Variants in FBXO28 observed in about 807,000 individuals in gnomAD.
FBXO28 encodes F-box protein 28.
FBXO28 carries 8 observed loss-of-function variants against 38.1 expected under a neutral mutation model. That is an observed-to-expected ratio of 0.21 (90% CI 0.12 to 0.38). The LOEUF (loss-of-function observed/expected upper bound fraction) is 0.38. Among genes scored for constraint, FBXO28 ranks in the 10% least tolerant of loss-of-function variants. The pLI is 1.00. For synonymous variants in FBXO28, 168 were observed against 173.8 expected (o/e 0.97, Z 0.26); for missense variants, 345 against 460.6 (o/e 0.75, Z 2.30).
At chr1:224,140,790 C>CA (rs1394321207) in intron 3 of FBXO28, among the ~76,000 whole-genome samples, 1 of 151,904 alleles carries the variant, frequency 6.6e-6, no homozygotes, top group African/African-American at 2.4e-5. Flanking sequence ...ACTAAAAATA[C>CA]AAAAAATTAG....
At chr1:224,142,421 T>C (rs1490151806) in intron 3 of FBXO28, among the ~76,000 whole-genome samples, 2 of 151,494 alleles carry the variant, frequency 1.3e-5, no homozygotes, top group Admixed American at 6.6e-5. Flanking sequence ...TAGGCCAAGG[T>C]AGGCGGATCA....
intron 1 of FBXO28, among the ~76,000 whole-genome samples, chr1:224,116,901 G>A (rs936252504): frequency 3.9e-5 from 6 of 152,094 alleles, no homozygotes; most frequent in African/African-American, 1.4e-4. Flanking sequence ...TTGGCTGGGC[G>A]CAGTGGCTTA....
chr1:224,157,665 G>A lies in FBXO28; in HGVS notation c.1026G>A (p.Glu342=). The part of the protein sequence containing the change: ...VGNSSGSGQN[E]ESPRKRKKAT... ...ATTCCTCAGGGTCCGGGCAGAATGA[G>A]GAGTCTCCTCGGAAACGAAAAAAGG... Residue 342 remains glutamate (E), a synonymous_variant, in exon 5 of 5, where the codon GAG becomes GAA. Coordinates refer to ENST00000366862, the MANE Select transcript of FBXO28 (RefSeq NM_015176.4). 8 of 1,614,246 alleles carry A rather than the reference G, an allele frequency of 5.0e-6. No individual in the cohort carries two copies. The highest frequency in any genetic ancestry group is 6.8e-6 in the Non-Finnish European group (8 of 1,180,046).
At position 224,134,049 on chromosome 1, in the gene FBXO28, G is replaced by C. The variant is rs531617227; in HGVS notation, c.378-25G>C. 1.4e-4 allele frequency: 204 copies of C among 1,454,820 alleles called. No individual in the cohort carries two copies. In the Middle Eastern group the frequency reaches 2.0e-3, roughly 14 times the overall value. The allele number at this position is 1,454,820 out of a possible 1,614,324, so 90.1% of individuals were successfully genotyped here. A position where few individuals can be genotyped will look rare whatever the true frequency, so the allele number is the denominator to read the frequency against. The stretch of plus-strand genomic sequence containing the variant: ...ACAATACTGCTTTAATGGTTGCCTT[G>C]CTTTTATTATTATTATTATTATAGG... On this transcript the variant is annotated intron_variant, in intron 2 of 4. Coordinates refer to ENST00000366862, the MANE Select transcript of FBXO28 (RefSeq NM_015176.4).
At chr1:224,124,281 CAGT>C (rs2102612440) in intron 1 of FBXO28, among the ~76,000 whole-genome samples, 1 of 152,286 alleles carries the variant, frequency 6.6e-6, no homozygotes, top group Non-Finnish European at 1.5e-5. Context: ...TATTCTCTTA[CAGT>C]AGAACAGTGA....
rs12239466 is a variant in FBXO28, at chr1:224,158,091, T to C, written c.*345T>C. On this transcript the variant is annotated 3_prime_UTR_variant, in exon 5 of 5. Transcript: ENST00000366862. ...GATCTTAAACCCAGTCTTGACAGAC[T>C]AGAAGTTAAGTTTAATACAGAAAAT... The C allele has an allele frequency of 0.014, 14,273 of 1,012,368 alleles. 1,252 individuals carry two copies. In the African/African-American group the frequency reaches 0.2, roughly 14 times the overall value. 62.7% of individuals were successfully genotyped at this position (1,012,368 alleles called of 1,614,324 possible).
rs140862332 is a variant in FBXO28, at chr1:224,137,463, C to T, written c.516+3251C>T. Among the ~76,000 whole-genome samples, 174 of 151,434 alleles carry T rather than the reference C, an allele frequency of 1.1e-3. 1 individual carries two copies. The highest frequency in any genetic ancestry group is 7.8e-3 in the Admixed American group (118 of 15,212). ...GCTTGAACCTGGGAGGCAGAGGTTG[C>T]AGTGAGCCAAGATCATGCCACTGCA... On this transcript the variant is annotated intron_variant, in intron 3 of 4. Coordinates refer to ENST00000366862, the MANE Select transcript of FBXO28 (RefSeq NM_015176.4).
chr1:224,143,747 A>G (rs1220423186), intron 3 of FBXO28, among the ~76,000 whole-genome samples: 1 of 151,576 alleles, frequency 6.6e-6, no homozygotes, highest in Non-Finnish European at 1.5e-5. Context: ...GAGGCAGGAG[A>G]ATAGCATGAA....
In FBXO28 at chr1:224,161,468, T is replaced by C. The variant is rs1011657890; in HGVS notation, c.*3722T>C. The C allele has an allele frequency of 1.3e-5, 2 of 152,232 alleles. No individual in the cohort carries two copies. The highest frequency in any genetic ancestry group is 2.4e-5 in the African/African-American group (1 of 41,458). The allele number at this position is 152,232 out of a possible 1,614,324, so 9.4% of individuals were successfully genotyped here. On this transcript the variant is annotated 3_prime_UTR_variant, in exon 5 of 5. Transcript: ENST00000366862. ...ATGAAACCCAACTTGATACACTGTT[T>C]GGTTCTTTGACTTGGGATCTATCTG...
At position 224,149,859 on chromosome 1, in the gene FBXO28, T is replaced by C. The variant is rs1162742656; in HGVS notation, c.517-3283T>C. ...TACAGTGTTACTGTGACCTCGTGTA[T>C]AACTAAGGAATTTGAAGTGAGGGAG... On this transcript the variant is annotated intron_variant, in intron 3 of 4. Coordinates refer to ENST00000366862, the MANE Select transcript of FBXO28 (RefSeq NM_015176.4). 2.6e-5 allele frequency among the ~76,000 whole-genome samples: 4 copies of C among 152,276 alleles called. No individual in the cohort carries two copies. In the East Asian group the frequency reaches 7.7e-4, roughly 29 times the overall value.
At chr1:224,114,570 C>T (rs528804284) in intron 1 of FBXO28, among the ~76,000 whole-genome samples, 174 bp downstream of exon 1, 241 of 152,384 alleles carry the variant, frequency 1.6e-3, no homozygotes, top group African/African-American at 5.7e-3. Context: ...CAGGAGTGGG[C>T]TGGTTCCCGA....
At position 224,129,968 on chromosome 1, in the gene FBXO28, C is replaced by T. The variant is rs567512349; in HGVS notation, c.268-504C>T. 1.5e-4 allele frequency among the ~76,000 whole-genome samples: 23 copies of T among 150,814 alleles called. 1 individual carries two copies. In the South Asian group the frequency reaches 3.1e-3, roughly 21 times the overall value. ...TCGCGCCACTGCGCTCCAGCCTGTG[C>T]GACAGGGTGAGACTCCATCTCAAAA... is the stretch of plus-strand genomic sequence containing the variant. On this transcript the variant is annotated intron_variant, in intron 1 of 4. Coordinates refer to ENST00000366862, the MANE Select transcript of FBXO28 (RefSeq NM_015176.4).
At chr1:224,125,711 G>A (rs913021582) in intron 1 of FBXO28, among the ~76,000 whole-genome samples, 9 of 149,380 alleles carry the variant, frequency 6.0e-5, no homozygotes, top group South Asian at 2.1e-4. Flanking sequence ...GTGCCGTCTC[G>A]GACCACTGTA....
In FBXO28 at chr1:224,160,977, C is replaced by T. The variant is rs1558200676; in HGVS notation, c.*3231C>T. The T allele has an allele frequency of 6.6e-6, 1 of 152,100 alleles. No individual in the cohort carries two copies. Among genetic ancestry groups the T allele is most frequent in the Non-Finnish European group, 1.5e-5 (1 of 68,026 alleles). The allele number at this position is 152,100 out of a possible 1,614,324, so 9.4% of individuals were successfully genotyped here. On this transcript the variant is annotated 3_prime_UTR_variant, in exon 5 of 5. Transcript: ENST00000366862. Reference sequence around the variant, plus strand: ...GCTATGTGTAATAAAAATAATGGCACCTTAAGATTGCACTATTTTATGCAT... The same window carrying T: ...GCTATGTGTAATAAAAATAATGGCATCTTAAGATTGCACTATTTTATGCAT...
chr1:224,118,306 A>G (rs1323632265), intron 1 of FBXO28, among the ~76,000 whole-genome samples: 3 of 152,158 alleles, frequency 2.0e-5, no homozygotes, highest in African/African-American at 7.2e-5. Context: ...AAAAGGGAAA[A>G]AAAATTATCC....
At chr1:224,138,476 C>T (rs1348353840) in intron 3 of FBXO28, among the ~76,000 whole-genome samples, 2 of 151,714 alleles carry the variant, frequency 1.3e-5, no homozygotes, top group Non-Finnish European at 2.9e-5. Flanking sequence ...GTTGGCCAAC[C>T]CTAAGTACCA....
chr1:224,138,372 A>T (rs1291791140), intron 3 of FBXO28, among the ~76,000 whole-genome samples: 1 of 151,904 alleles, frequency 6.6e-6, no homozygotes, highest in Non-Finnish European at 1.5e-5. Flanking sequence ...ATTCTGAGAA[A>T]CAGCCGTGTG....
intron 1 of FBXO28, among the ~76,000 whole-genome samples, chr1:224,118,769 AG>A (rs1364569336): frequency 6.6e-6 from 1 of 152,174 alleles, no homozygotes; most frequent in Non-Finnish European, 1.5e-5. Context: ...TCTGCACAAG[AG>A]TTCTCAGTTT....
At chr1:224,139,764 G>GCATGCATGCATACATA (rs1386239166) in intron 3 of FBXO28, among the ~76,000 whole-genome samples, 25,378 of 145,644 alleles carry the variant, frequency 0.17, 2,548 homozygotes, top group Middle Eastern at 0.28. Context: ...ATGCATGCAT[G>GCATGCATGCATACATA]CATACATACA....
Sources: allele counts gnomAD v4.1 joint callset (sites outside exome capture counted in the v4.1 genomes callset), GRCh38; gene constraint gnomAD v4.1.1; transcripts MANE v1.5; gene names NCBI Gene and HGNC (gene_info 2026-07-23, HGNC 2026-07-21).